MIDEAS: variants seen among roughly 807,000 people sequenced by gnomAD.
The protein encoded by MIDEAS is mitotic deacetylase associated SANT domain protein.
Under a neutral mutation model 102.7 loss-of-function variants are expected in MIDEAS, and 26 were observed. The ratio of observed to expected loss-of-function variants is 0.25; its 90% CI spans 0.19 to 0.35. The LOEUF (loss-of-function observed/expected upper bound fraction) is 0.35. MIDEAS is among the 10% of genes least tolerant of loss of function. MIDEAS has a pLI of 1.00. For missense variants in MIDEAS, 1,231 were observed against 1,435.6 expected (o/e 0.86, Z 2.30); for synonymous variants, 585 against 591.0 (o/e 0.99, Z 0.15).
In MIDEAS at chr14:73,733,369, C is replaced by T. The variant is rs370405130; in HGVS notation, c.1750-3384G>A. Among the ~76,000 whole-genome samples the T allele has an allele frequency of 7.9e-5, 12 of 152,182 alleles. No homozygotes were observed. The South Asian group carries it at 1.7e-3, about 21-fold the overall frequency. On this transcript the variant is annotated intron_variant, in intron 3 of 12. Transcript: ENST00000423556. The stretch of plus-strand genomic sequence containing the variant: ...TTGGGAGGCCAAGGCAGGTGGATCA[C>T]CTGAGGTCACGAATTCAAGACCAGC...
At chr14:73,731,460 A>G (rs1403402907) in intron 3 of MIDEAS, among the ~76,000 whole-genome samples, 1 of 152,156 alleles carries the variant, frequency 6.6e-6, no homozygotes, top group Non-Finnish European at 1.5e-5. Flanking sequence ...TTAGGAAAAC[A>G]ATATGATTGC....
Position 73,729,948 on chromosome 14 carries a change from G to A in MIDEAS, c.1787C>T (p.Ser596Phe), listed in dbSNP as rs1358803340. 1 of 1,601,458 alleles carries A rather than the reference G, an allele frequency of 6.2e-7. No homozygotes were observed. Among genetic ancestry groups the A allele is most frequent in the Non-Finnish European group, 8.5e-7 (1 of 1,171,098 alleles). The change falls in exon 4 of 13, where the codon TCC becomes TTC. Residue 596 changes from serine (S) to phenylalanine (F), a missense_variant. By Grantham distance (155) the Ser-to-Phe change is radical. Transcript: ENST00000423556. ...GGGCCGCTGCTTTGGTTTCCGCACG[G>A]AAGGCTCCCCCTCCAACTTGACATT... ...DMNVKLEGEPSVRKPKQRPRP... is the reference protein window; with the variant it reads ...DMNVKLEGEPFVRKPKQRPRP...
rs116292181 is a variant in MIDEAS at position 73,727,186 on chromosome 14, C to A, written c.2163-214G>T. On this transcript the variant is annotated intron_variant, in intron 5 of 12. Coordinates refer to ENST00000423556, the MANE Select transcript of MIDEAS (RefSeq NM_001367710.1). The stretch of plus-strand genomic sequence containing the variant: ...AGGCTGGAGAGGGGAGAAGCAGCTG[C>A]AGGTTTACAGATGGGAAAGAGCCTC... 4.6e-3 allele frequency: 2,972 copies of A among 648,294 alleles called. 75 individuals are homozygous for A. In the African/African-American group the frequency reaches 0.048, roughly 11 times the overall value. The allele number at this position is 648,294 out of a possible 1,614,324, so 40.2% of individuals were successfully genotyped here. A position where few individuals can be genotyped will look rare whatever the true frequency, so the allele number is the denominator to read the frequency against.
chr14:73,788,465 A>T (rs1161424338), upstream of MIDEAS, among the ~76,000 whole-genome samples: 2 of 152,232 alleles, frequency 1.3e-5, no homozygotes, highest in Non-Finnish European at 2.9e-5. Context: ...AATGATCCCC[A>T]GGTCTGTGTT....
rs1305254976 is a variant in MIDEAS, at chr14:73,719,001, A to G, written c.3142T>C (p.Tyr1048His). The change falls in exon 13 of 13, where the codon TAC (tyrosine) becomes CAC (histidine). Residue 1048 changes from tyrosine (Y) to histidine (H), a missense_variant. Tyr to His is a moderately conservative substitution (Grantham distance 83). Transcript: ENST00000423556. ...FPCKKCGRVF[Y>H]KVKSRSAHMK... ...TGCGCACTGCGGCTCTTCACCTTGT[A>G]AAACACCCTGCAGCCGGGTGGGGGT... 6.7e-7 allele frequency: 1 copy of G among 1,484,540 alleles called. No homozygotes were observed. Among genetic ancestry groups the G allele is most frequent in the South Asian group, 1.3e-5 (1 of 75,386 alleles). 92.0% of individuals were successfully genotyped at this position (1,484,540 alleles called of 1,614,324 possible). A position where few individuals can be genotyped will look rare whatever the true frequency, so the allele number is the denominator to read the frequency against.
chr14:73,770,361 A>G (rs1384639082), intron 1 of MIDEAS, among the ~76,000 whole-genome samples: 1 of 131,208 alleles, frequency 7.6e-6, no homozygotes, highest in Non-Finnish European at 1.7e-5. Flanking sequence ...GATGATGATG[A>G]CGATGATGAT....
intron 1 of MIDEAS, among the ~76,000 whole-genome samples, chr14:73,780,980 T>A (rs536230319): frequency 3.3e-5 from 5 of 152,010 alleles, no homozygotes; most frequent in Non-Finnish European, 7.4e-5. Flanking sequence ...CCTTTTTAAA[T>A]CTTTGAGTAC....
intron 1 of MIDEAS, among the ~76,000 whole-genome samples, chr14:73,769,914 G>GT (rs79392378): frequency 0.03 from 3,527 of 116,902 alleles, 72 homozygotes; most frequent in Middle Eastern, 0.073. Flanking sequence ...TTTTTTTTTT[G>GT]TTTTTTTTTT....
rs759182475 is a variant in MIDEAS, at chr14:73,776,922, T to C, written c.-248+10180A>G. ...CCCATCTCTACTAAAAACACAAACA[T>C]TAGCCTGGCGTGGTGGCGGGTGCCT... is the stretch of plus-strand genomic sequence containing the variant. On this transcript the variant is annotated intron_variant, in intron 1 of 11. Transcript: ENST00000394071. Among the ~76,000 whole-genome samples the C allele has an allele frequency of 5.9e-5, 9 of 151,820 alleles. 1 individual carries two copies. Among genetic ancestry groups the C allele is most frequent in the Non-Finnish European group, 1.2e-4 (8 of 67,888 alleles).
chr14:73,761,248 T>C (rs1458404273), upstream of MIDEAS, among the ~76,000 whole-genome samples: 3 of 152,146 alleles, frequency 2.0e-5, no homozygotes, highest in African/African-American at 7.2e-5. Flanking sequence ...CATCCCTCAC[T>C]TTCTCAGGGA....
At chr14:73,757,279 C>CAAAAAAAAAAAAAAAAAAAAAAAAAAAA (rs370387448) in intron 1 of MIDEAS, among the ~76,000 whole-genome samples, 1 of 67,720 alleles carries the variant, frequency 1.5e-5, no homozygotes, top group African/African-American at 8.3e-5. Flanking sequence ...CTCTAACAAC[C>CAAAAAAAAAAAAAAAAAAAAAAAAAAAA]AAAAAAAAAA....
Position 73,739,326 on chromosome 14 carries a change from T to G in MIDEAS, c.683A>C (p.Gln228Pro). The change falls in exon 2 of 13, where the codon CAG becomes CCG. Residue 228 changes from glutamine (Q) to proline (P), a missense_variant. Transcript: ENST00000423556. ...QLAFGHQVNRQVFRQGPPPPN... is the reference protein window; with the variant it reads ...QLAFGHQVNRPVFRQGPPPPN... ...GGGCGGTGGGCCCTGCCGGAAGACC[T>G]GCCGGTTCACCTGGTGGCCGAATGC... 6.2e-7 allele frequency: 1 copy of G among 1,608,566 alleles called. No homozygotes were observed. The highest frequency in any genetic ancestry group is 8.5e-7 in the Non-Finnish European group (1 of 1,177,198).
At chr14:73,757,345 G>A (rs1296764941) in intron 1 of MIDEAS, among the ~76,000 whole-genome samples, 1 of 144,164 alleles carries the variant, frequency 6.9e-6, no homozygotes, top group Non-Finnish European at 1.5e-5. Flanking sequence ...CATTCAAGCA[G>A]AGGCTACCAA....
intron 3 of MIDEAS, among the ~76,000 whole-genome samples, chr14:73,736,499 T>G (rs931703408): frequency 6.6e-6 from 1 of 151,690 alleles, no homozygotes; most frequent in Non-Finnish European, 1.5e-5. Flanking sequence ...GGCGCGGTGG[T>G]GGGCGCCTAT....
upstream of MIDEAS, among the ~76,000 whole-genome samples, chr14:73,789,364 C>A (rs2053848156): frequency 6.6e-6 from 1 of 152,152 alleles, no homozygotes; most frequent in Non-Finnish European, 1.5e-5. Flanking sequence ...TGCCAACCAC[C>A]GTTTGAGGGA....
At chr14:73,758,745 C>G (rs1177661853) in intron 1 of MIDEAS, 1 of 154,552 alleles carries the variant, frequency 6.5e-6, no homozygotes, top group Middle Eastern at 5.1e-4. Flanking sequence ...CCAGCTCTCG[C>G]TGGAGGCTGG....
At chr14:73,755,936 C>G (rs2053474277) in intron 1 of MIDEAS, among the ~76,000 whole-genome samples, 1 of 152,170 alleles carries the variant, frequency 6.6e-6, no homozygotes, top group Non-Finnish European at 1.5e-5. Context: ...ATGCATAATC[C>G]TGTCTAATCT....
chr14:73,719,103 C>T lies in MIDEAS; in HGVS notation c.3135-95G>A, dbSNP rs991395329. The T allele has an allele frequency of 1.3e-5, 19 of 1,454,584 alleles. No homozygotes were observed. The Admixed American group carries it at 2.9e-4, about 22-fold the overall frequency. 90.1% of individuals were successfully genotyped at this position (1,454,584 alleles called of 1,614,324 possible). A position where few individuals can be genotyped will look rare whatever the true frequency, so the allele number is the denominator to read the frequency against. Reference sequence around the variant, plus strand: ...GAGCCCCAGCCTTCACCTTCACCCCCACGCTGCACAGCCGCGGCCGGCCAG... The same window carrying T: ...GAGCCCCAGCCTTCACCTTCACCCCTACGCTGCACAGCCGCGGCCGGCCAG... On this transcript the variant is annotated intron_variant, in intron 12 of 12. Coordinates refer to ENST00000423556, the MANE Select transcript of MIDEAS (RefSeq NM_001367710.1).
In MIDEAS at chr14:73,759,957, G is replaced by A. The variant is rs564655884; in HGVS notation, c.-442C>T. The A allele has an allele frequency of 6.6e-6, 1 of 152,042 alleles. No homozygotes were observed. Among genetic ancestry groups the A allele is most frequent in the Admixed American group, 6.5e-5 (1 of 15,292 alleles). 9.4% of individuals were successfully genotyped at this position (152,042 alleles called of 1,614,324 possible). A position where few individuals can be genotyped will look rare whatever the true frequency, so the allele number is the denominator to read the frequency against. On this transcript the variant is annotated 5_prime_UTR_variant, in exon 1 of 13. Coordinates refer to ENST00000423556, the MANE Select transcript of MIDEAS (RefSeq NM_001367710.1). This position sits in a 1 kb window ranked among gnomAD's most constrained non-coding sequence, Gnocchi z 6.7. ...GCCTCCCGAGGCTGAGAAGTTTGCT[G>A]GCAGGGCCCGGGCGGGACGCGCGGG...
Sources: allele counts gnomAD v4.1 joint callset (sites outside exome capture counted in the v4.1 genomes callset), GRCh38; gene constraint gnomAD v4.1.1; non-coding constraint Gnocchi (gnomAD v3.1); transcripts MANE v1.5; gene names NCBI Gene and HGNC (gene_info 2026-07-23, HGNC 2026-07-21).